JUP: variants seen among roughly 807,000 people sequenced by gnomAD.
JUP encodes the protein junction plakoglobin.
In JUP, 28 loss-of-function variants were observed where a neutral mutation model predicts 71.1. That is an observed-to-expected ratio of 0.39 (90% CI 0.29 to 0.54). The LOEUF (loss-of-function observed/expected upper bound fraction) is 0.54, where lower values mean the gene tolerates loss of function less well. Ranked by LOEUF, JUP falls within the 20% of genes least tolerant of loss-of-function variation. The probability of loss-of-function intolerance (pLI) is 0.62; values close to 1 mark genes in which losing one functional copy is unlikely to be tolerated. For missense variants in JUP, 869 were observed against 1,030.1 expected, an observed-to-expected ratio of 0.84 and a Z score of 2.14; for synonymous variants, 401 against 438.9, an observed-to-expected ratio of 0.91 and a Z score of 1.08.
chr17:41,769,171 G>C lies in JUP; in HGVS notation c.505C>G (p.Leu169Val), dbSNP rs1916178629. Residue 169 changes from leucine (L) to valine (V), a missense_variant, in exon 4 of 14, where the codon CTG becomes GTG. Coordinates refer to ENST00000393931, the MANE Select transcript of JUP (RefSeq NM_002230.4). ...VTKAAMIVNQ[L>V]SKKEASRRAL... is the part of the protein sequence containing the mutation. The stretch of plus-strand genomic sequence containing the variant: ...CGCCGCGACGCCTCCTTCTTCGACA[G>C]CTGGTTCACAATCATGGCCGCCTTG... 6.2e-7 allele frequency: 1 copy of C among 1,603,590 alleles called. No individual in the cohort carries two copies. Among genetic ancestry groups the C allele is most frequent in the South Asian group, 1.1e-5 (1 of 91,072 alleles).
chr17:41,767,620 A>T, intron 4 of JUP, 40 bp from the exon 5 acceptor site: 1 of 1,543,034 alleles, frequency 6.5e-7, no homozygotes, highest in Non-Finnish European at 8.9e-7. Context: ...GAGGTCCCAG[A>T]GGCCTGGCAT....
In JUP at chr17:41,755,871, A is replaced by G; in HGVS notation, c.2111T>C (p.Met704Thr). 6.2e-7 allele frequency: 1 copy of G among 1,611,342 alleles called. No individual in the cohort carries two copies. The highest frequency in any genetic ancestry group is 1.3e-5 in the African/African-American group (1 of 74,978). Residue 704 changes from methionine (M) to threonine (T), a missense_variant, in exon 14 of 14, where the codon ATG (methionine) becomes ACG (threonine). By Grantham distance (81) the Met-to-Thr change is moderately conservative. Coordinates refer to ENST00000393931, the MANE Select transcript of JUP (RefSeq NM_002230.4). ...GDDMDATYRP[M>T]YSSDVPLDPL... ...GTCAAGGGGCACATCGCTGGAGTAC[A>G]TGGGGCGGTAGGTGGCATCCATGTC...
Position 41,771,649 on chromosome 17 carries a change from T to C in JUP, c.206A>G (p.Gln69Arg). 1 of 1,613,368 alleles carries C rather than the reference T, an allele frequency of 6.2e-7. No homozygotes were observed. The highest frequency in any genetic ancestry group is 8.5e-7 in the Non-Finnish European group (1 of 1,179,924). ...CAATAGTCCCCAGGGGTCCTGACCT[T>C]GGCTGGGGGGCACCCCCTGGGTGTA... Reference protein sequence around the residue: ...TTYTQGVPPSQGDLEYQMSTT... With the variant: ...TTYTQGVPPSRGDLEYQMSTT... The change falls in exon 2 of 14, where the codon CAA (glutamine) becomes CGA (arginine). Residue 69 changes from glutamine to arginine, a missense_variant and splice_region_variant. By Grantham distance (43) the Gln-to-Arg change is conservative. Coordinates refer to ENST00000393931, the MANE Select transcript of JUP (RefSeq NM_002230.4).
rs144137028 is a variant in JUP, at chr17:41,771,771, C to T, written c.84G>A (p.Ser28=). ...CGGAGGGCACGCAGGTGTTGGCGCCCGAGTGGATACCCGAGTCGTAGGTGT... is the reference window on the plus strand; with the variant it reads ...CGGAGGGCACGCAGGTGTTGGCGCCTGAGTGGATACCCGAGTCGTAGGTGT... ...QTYTYDSGIH[S]GANTCVPSVS... The change falls in exon 2 of 14, where the codon TCG becomes TCA. Residue 28 remains serine (S), a synonymous_variant. Transcript: ENST00000393931. The T allele has an allele frequency of 3.9e-5, 63 of 1,613,970 alleles. No homozygotes were observed. In the African/African-American group the frequency reaches 4.0e-4, roughly 10 times the overall value.
intron 1 of JUP, among the ~76,000 whole-genome samples, chr17:41,776,730 G>A (rs1444890777): frequency 6.6e-6 from 1 of 152,188 alleles, no homozygotes; most frequent in Non-Finnish European, 1.5e-5. Flanking sequence ...GAGGGGGCCA[G>A]GCGCGGTGGC....
chr17:41,770,923 G>A (rs782738236), intron 2 of JUP, among the ~76,000 whole-genome samples: 18 of 152,222 alleles, frequency 1.2e-4, no homozygotes, highest in Admixed American at 2.0e-4. Flanking sequence ...TGGGGGCTAC[G>A]GCCCTGGCTC....
At chr17:41,783,392 A>C (rs1051092659) in intron 1 of JUP, among the ~76,000 whole-genome samples, 3 of 150,556 alleles carry the variant, frequency 2.0e-5, no homozygotes, top group Non-Finnish European at 4.4e-5. Context: ...GGCTCAGGTA[A>C]TCCTCCCACC....
chr17:41,772,665 C>T (rs1567824131), intron 1 of JUP, among the ~76,000 whole-genome samples: 2 of 152,134 alleles, frequency 1.3e-5, no homozygotes, highest in Admixed American at 6.5e-5. Flanking sequence ...TCAGAGGCCA[C>T]GGCCATTATC....
intron 10 of JUP, 96 bp downstream of exon 10, chr17:41,758,303 T>A: frequency 1.3e-6 from 2 of 1,549,128 alleles, no homozygotes; most frequent in Non-Finnish European, 1.8e-6. Context: ...AAAGACCTCT[T>A]GATACCTGGT....
intron 10 of JUP, chr17:41,758,085 T>G: frequency 1.3e-5 from 7 of 530,270 alleles, no homozygotes; most frequent in Non-Finnish European, 2.3e-5. Flanking sequence ...TCTCCCAGTT[T>G]GCTGATTTTT....
chr17:41,778,387 G>A (rs1309770128), intron 1 of JUP, among the ~76,000 whole-genome samples: 1 of 151,988 alleles, frequency 6.6e-6, no homozygotes, highest in Non-Finnish European at 1.5e-5. Context: ...GCAACATGGC[G>A]AAACCCTGTC....
intron 8 of JUP, among the ~76,000 whole-genome samples, chr17:41,762,650 C>CT (rs1915087322): frequency 2.0e-5 from 3 of 152,118 alleles, no homozygotes; most frequent in African/African-American, 7.2e-5. Context: ...ATCCTCCTAC[C>CT]TTTGCCTCCC....
Position 41,764,798 on chromosome 17 carries a change from C to T in JUP, c.1073G>A (p.Gly358Asp), listed in dbSNP as rs782467600. Residue 358 changes from glycine to aspartate, a missense_variant, in exon 7 of 14, where the codon GGC (glycine) becomes GAC (aspartate). Transcript: ENST00000393931. ...IVEAGGMQAL[G>D]KHLTSNSPRL... ...GGGGCTGTTGCTGGTCAGGTGCTTG[C>T]CCAGGGCCTGCATCCCACCTGGGGC... 1.2e-6 allele frequency: 2 copies of T among 1,613,740 alleles called. No homozygotes were observed. The highest frequency in any genetic ancestry group is 2.2e-5 in the East Asian group (1 of 44,862).
intron 8 of JUP, among the ~76,000 whole-genome samples, chr17:41,762,649 C>T (rs1296134244): frequency 6.6e-6 from 1 of 152,154 alleles, no homozygotes; most frequent in Non-Finnish European, 1.5e-5. Context: ...AATCCTCCTA[C>T]CTTTGCCTCC....
intron 1 of JUP, among the ~76,000 whole-genome samples, chr17:41,779,661 T>G (rs1210466397): frequency 6.6e-6 from 1 of 151,726 alleles, no homozygotes; most frequent in Non-Finnish European, 1.5e-5. Context: ...GATATTACTT[T>G]TTTTATTTTC....
rs1555602470 is a variant in JUP, at chr17:41,763,317, C to T, written c.1163G>A (p.Gly388Asp). Residue 388 changes from glycine to aspartate, a missense_variant, in exon 8 of 14, where the codon GGC (glycine) becomes GAC (aspartate). Transcript: ENST00000393931. ...CAGAATCTTCAGCACACTCTCCAGG[C>T]CCTCCTGGAGGGCAAGGAAGGGACG... ...NLSDVATKQEGLESVLKILVN... is the reference protein window; with the variant it reads ...NLSDVATKQEDLESVLKILVN... 2 of 1,612,514 alleles carry T rather than the reference C, an allele frequency of 1.2e-6. No homozygotes were observed. Among genetic ancestry groups the T allele is most frequent in the Non-Finnish European group, 1.7e-6 (2 of 1,178,676 alleles).
chr17:41,763,462 G>A (rs533009225), intron 7 of JUP, 141 bp from the exon 8 acceptor site: 99 of 637,858 alleles, frequency 1.6e-4, no homozygotes, highest in Non-Finnish European at 2.0e-4. Flanking sequence ...CCTATGACCC[G>A]CCACACCCTG....
At position 41,755,870 on chromosome 17, in the gene JUP, C is replaced by T. The variant is rs1555597505; in HGVS notation, c.2112G>A (p.Met704Ile). The T allele has an allele frequency of 1.2e-6, 2 of 1,611,334 alleles. No homozygotes were observed. Among genetic ancestry groups the T allele is most frequent in the South Asian group, 2.2e-5 (2 of 90,892 alleles). ...GDDMDATYRP[M>I]YSSDVPLDPL... Reference sequence around the variant, plus strand: ...GGTCAAGGGGCACATCGCTGGAGTACATGGGGCGGTAGGTGGCATCCATGT... The same window carrying T: ...GGTCAAGGGGCACATCGCTGGAGTATATGGGGCGGTAGGTGGCATCCATGT... Residue 704 changes from methionine to isoleucine, a missense_variant, in exon 14 of 14, where the codon ATG (methionine) becomes ATA (isoleucine). Transcript: ENST00000393931.
At position 41,778,303 on chromosome 17, in the gene JUP, C is replaced by T. The variant is rs373632658; in HGVS notation, c.-8-6441G>A. Among the ~76,000 whole-genome samples the T allele has an allele frequency of 4.6e-5, 7 of 152,118 alleles. No homozygotes were observed. In the East Asian group the frequency reaches 1.2e-3, roughly 25 times the overall value. ...CTGTAGGCAGGGTGCAGTGGCTCAC[C>T]CCTGTAATCCCAGCACTTTAGGAGG... On this transcript the variant is annotated intron_variant, in intron 1 of 13. Transcript: ENST00000393931.
Sources: allele counts gnomAD v4.1 joint callset (sites outside exome capture counted in the v4.1 genomes callset), GRCh38; gene constraint gnomAD v4.1.1; transcripts MANE v1.5; gene names NCBI Gene and HGNC (gene_info 2026-07-23, HGNC 2026-07-21).